The following PRKCQ variants were observed in gnomAD, a reference collection of about 807,000 sequenced individuals.
PRKCQ encodes the protein protein kinase C theta.
Under a neutral mutation model 91.2 loss-of-function variants are expected in PRKCQ, and 41 were observed. That is an observed-to-expected ratio of 0.45 (90% CI 0.35 to 0.58). The LOEUF is 0.58. PRKCQ is among the 20% of genes least tolerant of loss of function. PRKCQ has a pLI of 0.00. For synonymous variants in PRKCQ, 307 were observed against 316.9 expected, an observed-to-expected ratio of 0.97 and a Z score of 0.33; for missense variants, 673 against 896.5, an observed-to-expected ratio of 0.75 and a Z score of 3.18.
chr10:6,537,586 TC>T (rs1457146953), intron 1 of PRKCQ, among the ~76,000 whole-genome samples: 2 of 152,180 alleles, frequency 1.3e-5, no homozygotes, highest in Non-Finnish European at 2.9e-5. Flanking sequence ...GTCTTTGAGC[TC>T]CTGTAAACTA....
intron 12 of PRKCQ, among the ~76,000 whole-genome samples, chr10:6,467,389 CAGAGAGAGAGAGAGAGAG>C (rs1160599680): frequency 2.5e-4 from 7 of 27,788 alleles, no homozygotes; most frequent in African/African-American, 9.9e-4. Flanking sequence ...GAGAGACAGA[CAGAGAGAGAGAGAGAGAG>C]AGAGAGAGAG....
chr10:6,403,379 A>T, the PRKCQ span, among the ~76,000 whole-genome samples: 1 of 152,274 alleles, frequency 6.6e-6, no homozygotes, highest in Non-Finnish European at 1.5e-5. Context: ...TTCTGATGTT[A>T]TTTTTATATA....
chr10:6,534,774 CTATATA>C (rs56075764), intron 1 of PRKCQ, among the ~76,000 whole-genome samples: 1 of 142,796 alleles, frequency 7.0e-6, no homozygotes, highest in African/African-American at 2.7e-5. Context: ...AAACATATAT[CTATATA>C]TATATATATA....
At chr10:6,492,236 T>C (rs1412702308) in intron 7 of PRKCQ, among the ~76,000 whole-genome samples, 2 of 45,236 alleles carry the variant, frequency 4.4e-5, no homozygotes, top group South Asian at 8.1e-4. Flanking sequence ...CTTTGGAAGA[T>C]GTAAAAAAAA....
At chr10:6,468,624 A>G (rs1177663886) in intron 12 of PRKCQ, among the ~76,000 whole-genome samples, 2 of 152,236 alleles carry the variant, frequency 1.3e-5, no homozygotes. Context: ...AAGAATAATT[A>G]TAGTCATTTT....
intron 1 of PRKCQ, among the ~76,000 whole-genome samples, chr10:6,518,273 G>T (rs1838852472): frequency 6.6e-6 from 1 of 152,086 alleles, no homozygotes; most frequent in Non-Finnish European, 1.5e-5. Context: ...AAAGTAAAAA[G>T]AATATATATG....
chr10:6,484,436 CTGCCTATGT>C (rs1836787740), intron 10 of PRKCQ, among the ~76,000 whole-genome samples: 1 of 152,094 alleles, frequency 6.6e-6, no homozygotes, highest in South Asian at 2.1e-4. Context: ...AAAAAAGATG[CTGCCTATGT>C]TGATCATTGC....
the PRKCQ span, among the ~76,000 whole-genome samples, chr10:6,404,320 C>G: frequency 1.4e-5 from 2 of 145,514 alleles, no homozygotes; most frequent in Non-Finnish European, 3.0e-5. Context: ...CAAATACTTG[C>G]AATGTTCAGA....
At chr10:6,566,161 T>C (rs1283623230) in intron 1 of PRKCQ, among the ~76,000 whole-genome samples, 1 of 152,244 alleles carries the variant, frequency 6.6e-6, no homozygotes, top group African/African-American at 2.4e-5. Context: ...TTGCTGTTGC[T>C]ACGGTATTAA....
At chr10:6,411,618 C>A in the PRKCQ span, among the ~76,000 whole-genome samples, 2,492 of 152,216 alleles carry the variant, frequency 0.016, 75 homozygotes, top group African/African-American at 0.057. Flanking sequence ...CATTGGGACA[C>A]CCATTTGTTT....
chr10:6,499,595 G>A (rs192279285), intron 4 of PRKCQ, among the ~76,000 whole-genome samples: 3 of 152,282 alleles, frequency 2.0e-5, no homozygotes, highest in African/African-American at 7.2e-5. Flanking sequence ...TAAGGATAAT[G>A]AATTTAAATC....
intron 1 of PRKCQ, among the ~76,000 whole-genome samples, chr10:6,517,844 G>T (rs1048293155): frequency 1.4e-4 from 22 of 151,942 alleles, no homozygotes; most frequent in African/African-American, 5.3e-4. Context: ...TGTAAGAAAG[G>T]CACTGTTTAT....
intron 8 of PRKCQ, among the ~76,000 whole-genome samples, chr10:6,490,204 T>G (rs925155485): frequency 1.3e-5 from 2 of 152,012 alleles, no homozygotes; most frequent in African/African-American, 2.4e-5. Context: ...GGTAATGATT[T>G]GAAAACCTAA....
intron 1 of PRKCQ, among the ~76,000 whole-genome samples, chr10:6,521,889 TATGTTATGTTATGTG>T (rs869058903): frequency 4.4e-5 from 6 of 137,826 alleles, no homozygotes; most frequent in African/African-American, 1.7e-4. Context: ...TGATATGTAC[TATGTTATGTTATGTG>T]ATGTTATGTT....
intron 1 of PRKCQ, among the ~76,000 whole-genome samples, chr10:6,528,462 G>A (rs892942964): frequency 7.9e-5 from 12 of 152,106 alleles, no homozygotes; most frequent in South Asian, 2.1e-4. Flanking sequence ...GTCCAGCATC[G>A]CCTGGGACGC....
intron 8 of PRKCQ, among the ~76,000 whole-genome samples, chr10:6,490,785 A>C (rs1435455209): frequency 6.6e-6 from 1 of 151,994 alleles, no homozygotes; most frequent in Non-Finnish European, 1.5e-5. Context: ...AAAAAATCAG[A>C]AGCTGTCTGT....
intron 1 of PRKCQ, among the ~76,000 whole-genome samples, chr10:6,564,572 G>A (rs1319553693): frequency 6.6e-6 from 1 of 152,024 alleles, no homozygotes; most frequent in Non-Finnish European, 1.5e-5. Flanking sequence ...CCTCCTAGCT[G>A]CATCCACCCA....
chr10:6,515,334 C>T, intron 1 of PRKCQ, 190 bp from the exon 2 acceptor site: 1 of 1,487,172 alleles, frequency 6.7e-7, no homozygotes, highest in Non-Finnish European at 8.8e-7. Flanking sequence ...AAACCACACA[C>T]TGACTTGCTG....
At chr10:6,459,941 T>G (rs1393697995) in intron 14 of PRKCQ, among the ~76,000 whole-genome samples, 3 of 152,246 alleles carry the variant, frequency 2.0e-5, no homozygotes. Context: ...AGAAATGAAT[T>G]GAATCCTTTT....
Sources: gnomAD v4.1 joint callset for allele counts (sites outside exome capture counted in the v4.1 genomes callset) on GRCh38, gnomAD v4.1.1 for gene constraint, MANE v1.5 for transcripts, NCBI Gene and HGNC (gene_info 2026-07-23, HGNC 2026-07-21) for gene names.